Variants in TEX14 observed in about 807,000 individuals in gnomAD.
TEX14 encodes inactive serine/threonine-protein kinase TEX14.
In TEX14, 168 loss-of-function variants were observed where a neutral mutation model predicts 178.6. The observed-to-expected ratio is 0.94, with a 90% CI of 0.83 to 1.07. TEX14 has a LOEUF of 1.07. Ranked by LOEUF, TEX14 falls within the 50% of genes least tolerant of loss-of-function variation. The pLI is 0.00. For missense variants in TEX14, 1,730 were observed against 1,753.6 expected, an observed-to-expected ratio of 0.99 and a Z score of 0.24; for synonymous variants, 626 against 634.1, an observed-to-expected ratio of 0.99 and a Z score of 0.19.
intron 1 of TEX14, chr17:58,666,777 T>C (rs778119439): frequency 3.3e-5 from 5 of 152,216 alleles, no homozygotes; most frequent in African/African-American, 4.8e-5. Context: ...ATGACTCTAA[T>C]TGGACTTTAT....
chr17:58,602,039 G>A (rs2045465047), intron 12 of TEX14, 83 bp from the exon 13 acceptor site: 17 of 1,430,986 alleles, frequency 1.2e-5, no homozygotes, highest in Non-Finnish European at 1.6e-5. Flanking sequence ...CTAAGTATCT[G>A]ATAAACTCCC....
At chr17:58,565,878 C>T (rs2144343682) in intron 26 of TEX14, 54 bp from the exon 27 acceptor site, 20 of 1,417,718 alleles carry the variant, frequency 1.4e-5, no homozygotes, top group East Asian at 7.2e-5. Context: ...CGTGTCCTGC[C>T]GTTCTCTAGA....
chr17:58,631,886 T>G (rs1317608742), intron 2 of TEX14: 1 of 152,188 alleles, frequency 6.6e-6, no homozygotes, highest in South Asian at 2.1e-4. Context: ...ACACATATTA[T>G]GCTGATGGTG....
chr17:58,597,542 C>T (rs1398970468), intron 14 of TEX14, among the ~76,000 whole-genome samples: 3 of 152,124 alleles, frequency 2.0e-5, no homozygotes, highest in African/African-American at 7.2e-5. Flanking sequence ...TAATAACATC[C>T]GCCTTCCAAT....
chr17:58,671,729 T>C (rs1018822246), intron 1 of TEX14, among the ~76,000 whole-genome samples: 4 of 152,220 alleles, frequency 2.6e-5, no homozygotes, highest in African/African-American at 9.6e-5. Context: ...ATCAGAAATA[T>C]ATTTTAAAAA....
At chr17:58,560,270 G>A (rs2044247687) in intron 29 of TEX14, among the ~76,000 whole-genome samples, 1 of 152,086 alleles carries the variant, frequency 6.6e-6, no homozygotes, top group African/African-American at 2.4e-5. Flanking sequence ...AACAAAATAC[G>A]TAAAATGAGA....
At position 58,655,141 on chromosome 17, in the gene TEX14, T is replaced by C. The variant is rs1388121209; in HGVS notation, c.-1-3139A>G. 2.0e-5 allele frequency among the ~76,000 whole-genome samples: 3 copies of C among 150,326 alleles called. No individual in the cohort carries two copies. The Admixed American group carries it at 2.0e-4, about 10-fold the overall frequency. ...CATTCTCCTGCCTCCGCTTCCTGGG[T>C]AGCTGGGATTACAGGCGCCTGCCAC... On this transcript the variant is annotated intron_variant, in intron 1 of 31. Transcript: ENST00000349033.
At chr17:58,656,200 T>C (rs1395674184) in intron 1 of TEX14, among the ~76,000 whole-genome samples, 1 of 152,062 alleles carries the variant, frequency 6.6e-6, no homozygotes, top group African/African-American at 2.4e-5. Context: ...TCCCAACGCT[T>C]TGGGAGGCCA....
intron 1 of TEX14, among the ~76,000 whole-genome samples, chr17:58,684,670 TAAATAAATAAAA>T (rs1567776468): frequency 6.8e-6 from 1 of 147,032 alleles, no homozygotes; most frequent in Non-Finnish European, 1.5e-5. Flanking sequence ...AATAAATAAA[TAAATAAATAAAA>T]AGCTTTCTTC....
intron 10 of TEX14, among the ~76,000 whole-genome samples, chr17:58,607,408 TCAC>T (rs766664188): frequency 1.3e-5 from 2 of 152,152 alleles, no homozygotes; most frequent in Non-Finnish European, 2.9e-5. Context: ...GGCTTCATGG[TCAC>T]CACTAGGCCC....
At chr17:58,644,935 G>A (rs565436155) in intron 2 of TEX14, among the ~76,000 whole-genome samples, 15 of 151,518 alleles carry the variant, frequency 9.9e-5, no homozygotes, top group African/African-American at 3.4e-4. Context: ...ACAGGCGTGA[G>A]CCACTGCGCC....
At chr17:58,564,174 C>A (rs1567989475) in intron 28 of TEX14, 2 of 152,114 alleles carry the variant, frequency 1.3e-5, no homozygotes, top group Admixed American at 1.3e-4. Flanking sequence ...TCCAGTAATA[C>A]CATTTCTGGG....
intron 25 of TEX14, among the ~76,000 whole-genome samples, chr17:58,570,045 A>T (rs934361636): frequency 6.6e-6 from 1 of 152,158 alleles, no homozygotes; most frequent in South Asian, 2.1e-4. Context: ...ACAATTTTTA[A>T]TAACAAGGGA....
chr17:58,631,755 C>T (rs936586917), intron 2 of TEX14: 1 of 150,842 alleles, frequency 6.6e-6, no homozygotes, highest in East Asian at 1.9e-4. Flanking sequence ...ATATCTCCCT[C>T]TCGCGGTTTC....
chr17:58,596,992 A>C (rs1330043478), intron 14 of TEX14, among the ~76,000 whole-genome samples: 1 of 152,196 alleles, frequency 6.6e-6, no homozygotes, highest in East Asian at 1.9e-4. Context: ...TGTACAATGA[A>C]AGAACAACAG....
chr17:58,621,732 A>C lies in TEX14; in HGVS notation c.472T>G (p.Phe158Val). 3 of 1,614,214 alleles carry C rather than the reference A, an allele frequency of 1.9e-6. No homozygotes were observed. The highest frequency in any genetic ancestry group is 2.5e-6 in the Non-Finnish European group (3 of 1,180,020). ...ASHMQAIIQG[F>V]SYDLLKKIDS... ...ATCTTCTTCAGGAGGTCGTAAGAGA[A>C]GCCCTGGATGATGGCCTGCATGTGT... Residue 158 changes from phenylalanine (F) to valine (V), a missense_variant, in exon 5 of 32, where the codon TTC becomes GTC. Phe to Val is a conservative substitution (Grantham distance 50). This residue lies in a region of TEX14 where 789 missense variants were observed against 681.2 expected (regional missense o/e 1.16). Coordinates refer to ENST00000349033, the MANE Select transcript of TEX14 (RefSeq NM_031272.5).
chr17:58,598,766 T>C (rs1481576123), intron 14 of TEX14, 110 bp downstream of exon 14: 2 of 1,093,338 alleles, frequency 1.8e-6, no homozygotes, highest in African/African-American at 3.2e-5. Context: ...ATGGCTTATC[T>C]CTGACTGATC....
chr17:58,652,151 G>A, intron 1 of TEX14, 149 bp from the exon 2 acceptor site: 1 of 596,512 alleles, frequency 1.7e-6, no homozygotes, highest in African/African-American at 1.9e-5. Context: ...TGAGATTAAT[G>A]TTTTTCCTCA....
At position 58,584,527 on chromosome 17, in the gene TEX14, T is replaced by C; in HGVS notation, c.3144A>G (p.Thr1048=). The change falls in exon 19 of 32, where the codon ACA becomes ACG. Residue 1048 remains threonine (T), a synonymous_variant. Transcript: ENST00000349033. ...HSEAFQASSD[T]LVAVEKSYST... ...TGTAAGATTTCTCTACAGCCACCAA[T>C]GTGTCAGAACTTGCTTGGAAGGCTT... 3 of 1,614,112 alleles carry C rather than the reference T, an allele frequency of 1.9e-6. No homozygotes were observed. Among genetic ancestry groups the C allele is most frequent in the South Asian group, 2.2e-5 (2 of 91,074 alleles).
Sources: allele counts gnomAD v4.1 joint callset (sites outside exome capture counted in the v4.1 genomes callset), GRCh38; gene constraint gnomAD v4.1.1; regional missense constraint gnomAD v4.1.1; transcripts MANE v1.5; gene names NCBI Gene and HGNC (gene_info 2026-07-23, HGNC 2026-07-21).